ATP10B: variants seen among roughly 807,000 people sequenced by gnomAD.
ATP10B encodes the protein ATPase phospholipid transporting 10B (putative), also known as phospholipid-transporting ATPase VB.
A neutral mutation model predicts 141.2 loss-of-function variants in ATP10B; 122 were observed. That is an observed-to-expected ratio of 0.86 (90% CI 0.75 to 1.00). ATP10B has a LOEUF of 1.00. Ranked by LOEUF, ATP10B falls within the 50% of genes least tolerant of loss-of-function variation. The pLI is 0.00. For missense variants in ATP10B, 1,876 were observed against 1,825.3 expected, an observed-to-expected ratio of 1.03 and a Z score of -0.51; for synonymous variants, 685 against 692.0, an observed-to-expected ratio of 0.99 and a Z score of 0.16.
intron 1 of ATP10B, among the ~76,000 whole-genome samples, chr5:160,804,732 T>C (rs573823609): frequency 1.2e-3 from 186 of 152,336 alleles, no homozygotes; most frequent in Non-Finnish European, 2.2e-3. Context: ...TTCCATTACT[T>C]CACAACTGTT....
In ATP10B at chr5:160,632,139, C is replaced by G. The variant is rs1561670881; in HGVS notation, c.1610G>C (p.Ser537Thr). ...AAAGTCAGGACTTACTATGGAGCTG[C>G]TGAAGGCCACAGGAGGCTGTGAGCT... ...RESSQPPVAFSSSIEKDVTPD... is the reference protein window; with the variant it reads ...RESSQPPVAFTSSIEKDVTPD... The change falls in exon 13 of 26, where the codon AGC (serine) becomes ACC (threonine). Residue 537 changes from serine (S) to threonine (T), a missense_variant. Physicochemically the swap from Ser to Thr is moderately conservative, Grantham distance 58. Transcript: ENST00000327245. The G allele has an allele frequency of 6.2e-7, 1 of 1,612,580 alleles. No individual in the cohort carries two copies. Among genetic ancestry groups the G allele is most frequent in the Non-Finnish European group, 8.5e-7 (1 of 1,178,696 alleles).
chr5:160,871,517 C>T, the ATP10B span, among the ~76,000 whole-genome samples: 1 of 152,064 alleles, frequency 6.6e-6, no homozygotes, highest in African/African-American at 2.4e-5. Context: ...TCCCTTGCTC[C>T]CTTTTCCACT....
chr5:160,632,676 T>C (rs73818111), intron 12 of ATP10B: 9,509 of 240,972 alleles, frequency 0.039, 393 homozygotes, highest in African/African-American at 0.11. Context: ...TTTGAAGATT[T>C]AATGATACAA....
intron 6 of ATP10B, among the ~76,000 whole-genome samples, chr5:160,672,635 T>G (rs1460760345): frequency 1.3e-5 from 2 of 152,260 alleles, no homozygotes; most frequent in South Asian, 4.1e-4. Flanking sequence ...TGGGTGCCTC[T>G]GAAGGCAGCC....
the ATP10B span, among the ~76,000 whole-genome samples, chr5:160,880,554 G>A: frequency 2.0e-3 from 311 of 152,290 alleles, no homozygotes; most frequent in African/African-American, 7.3e-3. Flanking sequence ...CAGTAATCAA[G>A]ACAATGTGGT....
intron 3 of ATP10B, among the ~76,000 whole-genome samples, chr5:160,715,814 C>A (rs551882803): frequency 2.0e-5 from 3 of 151,884 alleles, no homozygotes; most frequent in Middle Eastern, 3.2e-3. Flanking sequence ...TAGGTTCAAG[C>A]AATTCTCTGA....
At chr5:160,587,128 T>G (rs905858814) in intron 24 of ATP10B, among the ~76,000 whole-genome samples, 1 of 151,656 alleles carries the variant, frequency 6.6e-6, no homozygotes. Context: ...AATTTTTGTA[T>G]AAGGTGTTAA....
At chr5:160,757,863 G>A (rs756739770) in intron 2 of ATP10B, among the ~76,000 whole-genome samples, 2 of 152,168 alleles carry the variant, frequency 1.3e-5, no homozygotes, top group Non-Finnish European at 2.9e-5. Flanking sequence ...GCAGGGAACT[G>A]TCCTGTGCAT....
chr5:160,585,011 A>T (rs1199539791), intron 24 of ATP10B, among the ~76,000 whole-genome samples: 1 of 152,220 alleles, frequency 6.6e-6, no homozygotes, highest in Admixed American at 6.5e-5. Flanking sequence ...CAATTTAATT[A>T]TGATATATCC....
At chr5:160,586,102 A>G (rs1253437534) in intron 24 of ATP10B, among the ~76,000 whole-genome samples, 2 of 152,058 alleles carry the variant, frequency 1.3e-5, no homozygotes, top group East Asian at 3.9e-4. Context: ...TGCATTAGGT[A>G]TTTGTCCTAA....
the ATP10B span, among the ~76,000 whole-genome samples, chr5:160,928,842 C>G: frequency 5.9e-5 from 9 of 152,180 alleles, no homozygotes; most frequent in Non-Finnish European, 8.8e-5. Flanking sequence ...ACTGTCCAGA[C>G]AGGCAACTCA....
At chr5:160,813,238 AG>A (rs1308001354) in intron 1 of ATP10B, among the ~76,000 whole-genome samples, 1 of 152,212 alleles carries the variant, frequency 6.6e-6, no homozygotes, top group African/African-American at 2.4e-5. Context: ...TCCTAGTCAA[AG>A]AAAGGGGTGA....
intron 24 of ATP10B, among the ~76,000 whole-genome samples, chr5:160,584,065 C>A (rs1755724849): frequency 6.6e-6 from 1 of 151,986 alleles, no homozygotes; most frequent in Non-Finnish European, 1.5e-5. Flanking sequence ...ATTCCAGGCA[C>A]CACTGGGGTA....
intron 5 of ATP10B, among the ~76,000 whole-genome samples, chr5:160,686,561 A>T (rs1428075561): frequency 1.3e-5 from 2 of 152,140 alleles, no homozygotes; most frequent in African/African-American, 4.8e-5. Flanking sequence ...CCCAATTTGT[A>T]GTCTTTTATT....
At chr5:160,728,461 G>T (rs192335472) in intron 2 of ATP10B, among the ~76,000 whole-genome samples, 205 of 152,268 alleles carry the variant, frequency 1.3e-3, no homozygotes, top group Non-Finnish European at 2.1e-3. Flanking sequence ...GCTTCTCCGG[G>T]TGGCAACACT....
At chr5:160,865,239 G>A in the ATP10B span, among the ~76,000 whole-genome samples, 4 of 152,134 alleles carry the variant, frequency 2.6e-5, no homozygotes, top group Non-Finnish European at 5.9e-5. Flanking sequence ...TAGACCAATG[G>A]AAGAGAATAG....
intron 3 of ATP10B, among the ~76,000 whole-genome samples, chr5:160,704,681 C>T (rs1764872185): frequency 6.6e-6 from 1 of 152,130 alleles, no homozygotes; most frequent in Admixed American, 6.5e-5. Flanking sequence ...ATGGCATCTT[C>T]TTCCAATATA....
At chr5:160,916,484 C>T in the ATP10B span, among the ~76,000 whole-genome samples, 1 of 152,192 alleles carries the variant, frequency 6.6e-6, no homozygotes, top group Non-Finnish European at 1.5e-5. Flanking sequence ...TGTTAAGCAC[C>T]CATTTAATAA....
intron 1 of ATP10B, among the ~76,000 whole-genome samples, chr5:160,809,428 A>G (rs1459116014): frequency 6.6e-6 from 1 of 152,142 alleles, no homozygotes; most frequent in African/African-American, 2.4e-5. Flanking sequence ...TAATAATTAT[A>G]TATATTTCTG....
Sources: allele counts gnomAD v4.1 joint callset (sites outside exome capture counted in the v4.1 genomes callset), GRCh38; gene constraint gnomAD v4.1.1; transcripts MANE v1.5; gene names NCBI Gene and HGNC (gene_info 2026-07-23, HGNC 2026-07-21).